Variants in BRIP1 observed in about 807,000 individuals in gnomAD.
BRIP1 encodes the protein BRCA1 interacting DNA helicase 1, also known as Fanconi anemia group J protein.
A neutral mutation model predicts 119.7 loss-of-function variants in BRIP1; 88 were observed. The ratio of observed to expected loss-of-function variants is 0.74; its 90% CI spans 0.62 to 0.88. The LOEUF (loss-of-function observed/expected upper bound fraction) is 0.88. BRIP1 is among the 40% of genes least tolerant of loss of function. The pLI is 0.00. For synonymous variants in BRIP1, 443 were observed against 496.5 expected, an observed-to-expected ratio of 0.89 and a Z score of 1.43; for missense variants, 1,259 against 1,455.4, an observed-to-expected ratio of 0.87 and a Z score of 2.20.
rs1261404617 is a variant in BRIP1, at chr17:61,759,455, A to C, written c.2098-14864T>G. On this transcript the variant is annotated intron_variant, in intron 14 of 19. Transcript: ENST00000259008. This position sits in a 1 kb window ranked among gnomAD's most constrained non-coding sequence, Gnocchi z 4.9. ...TATTAAAGGATCTGAAAAGAGAGAT[A>C]GATTCTAATACAATAATAGTAGGAG... Among the ~76,000 whole-genome samples, 1 of 152,218 alleles carries C rather than the reference A, an allele frequency of 6.6e-6. No homozygotes were observed. Among genetic ancestry groups the C allele is most frequent in the Non-Finnish European group, 1.5e-5 (1 of 68,018 alleles).
chr17:61,763,457 C>T (rs2077307164), intron 14 of BRIP1, among the ~76,000 whole-genome samples: 1 of 152,030 alleles, frequency 6.6e-6, no homozygotes, highest in South Asian at 2.1e-4. Context: ...AGAATCTTTT[C>T]CTTGATGACT....
At chr17:61,787,579 A>G (rs2077749946) in intron 10 of BRIP1, among the ~76,000 whole-genome samples, 1 of 150,944 alleles carries the variant, frequency 6.6e-6, no homozygotes, top group Admixed American at 6.6e-5. Context: ...ATCTCAATAA[A>G]GGGTGCAATA....
Position 61,808,317 on chromosome 17 carries a change from G to T in BRIP1, c.918+150C>A. 1.3e-6 allele frequency: 1 copy of T among 790,198 alleles called. No homozygotes were observed. Among genetic ancestry groups the T allele is most frequent in the Non-Finnish European group, 2.0e-6 (1 of 500,634 alleles). 48.9% of individuals were successfully genotyped at this position (790,198 alleles called of 1,614,324 possible). On this transcript the variant is annotated intron_variant, in intron 7 of 19. Transcript: ENST00000259008. The surrounding 1 kb of genome is among the most constrained non-coding windows in gnomAD (Gnocchi z 4.1). ...AAACTTGACTAAAGATTTTATTACA[G>T]GAAAATTGTTTTTTAAAAGATATCA...
At position 61,746,698 on chromosome 17, in the gene BRIP1, A is replaced by G. The variant is rs2077062525; in HGVS notation, c.2098-2107T>C. On this transcript the variant is annotated intron_variant, in intron 14 of 19. Transcript: ENST00000259008. The surrounding 1 kb of genome is among the most constrained non-coding windows in gnomAD (Gnocchi z 4.9). Reference sequence around the variant, plus strand: ...GAGCACCCAAATATAGCAAGCAAATAGTGATTGTACTGAAGAGAGAAATAA... The same window carrying G: ...GAGCACCCAAATATAGCAAGCAAATGGTGATTGTACTGAAGAGAGAAATAA... Among the ~76,000 whole-genome samples, 1 of 152,154 alleles carries G rather than the reference A, an allele frequency of 6.6e-6. No homozygotes were observed. Among genetic ancestry groups the G allele is most frequent in the South Asian group, 2.1e-4 (1 of 4,832 alleles).
At chr17:61,821,415 AT>A (rs779937886) in intron 6 of BRIP1, among the ~76,000 whole-genome samples, 1 of 151,896 alleles carries the variant, frequency 6.6e-6, no homozygotes, top group Non-Finnish European at 1.5e-5. Context: ...TTTCTTTTTG[AT>A]TCAGTTTTAG....
chr17:61,782,388 G>GAAAAAAAA (rs10661242), intron 11 of BRIP1, among the ~76,000 whole-genome samples: 1 of 113,046 alleles, frequency 8.8e-6, no homozygotes, highest in Non-Finnish European at 1.7e-5. Context: ...TCCCGTCTCA[G>GAAAAAAAA]AAAAAAAAAA....
intron 17 of BRIP1, among the ~76,000 whole-genome samples, chr17:61,698,149 T>C (rs540874439): frequency 6.6e-6 from 1 of 152,346 alleles, no homozygotes; most frequent in South Asian, 2.1e-4. Context: ...AGTAGTACTT[T>C]CACTGTGTCC....
In BRIP1 at chr17:61,746,585, GACA is replaced by G. The variant is rs1464208666; in HGVS notation, c.2098-1997_2098-1995del. ...TTCTAAGTCAAAAATTGTCACAAGA[GACA>G]AAAAAAAAGGACATTATATAATGAT... is the stretch of plus-strand genomic sequence containing the variant. On this transcript the variant is annotated intron_variant, in intron 14 of 19. Transcript: ENST00000259008. This position sits in a 1 kb window ranked among gnomAD's most constrained non-coding sequence, Gnocchi z 4.9. 1.6e-4 allele frequency among the ~76,000 whole-genome samples: 11 copies of G among 67,960 alleles called. No individual in the cohort carries two copies. The highest frequency in any genetic ancestry group is 5.3e-4 in the African/African-American group (11 of 20,662). The allele number at this position is 67,960 out of a possible 152,430, so 44.6% of individuals were successfully genotyped here.
At chr17:61,837,372 A>G (rs2078590302) in intron 6 of BRIP1, among the ~76,000 whole-genome samples, 1 of 152,216 alleles carries the variant, frequency 6.6e-6, no homozygotes, top group African/African-American at 2.4e-5. Context: ...TAGCCTAAGG[A>G]TCGCCCCAGT....
At position 61,776,191 on chromosome 17, in the gene BRIP1, C is replaced by T; in HGVS notation, c.2097+210G>A. ...GCCACCACGTCCAGCCTTGCTCTTT[C>T]AGACTTTTAAGTAAAACAGAGGTAG... On this transcript the variant is annotated intron_variant, in intron 14 of 19. Coordinates refer to ENST00000259008, the MANE Select transcript of BRIP1 (RefSeq NM_032043.3). The surrounding 1 kb of genome is among the most constrained non-coding windows in gnomAD (Gnocchi z 5.0). 1.7e-6 allele frequency: 1 copy of T among 579,918 alleles called. No homozygotes were observed. Among genetic ancestry groups the T allele is most frequent in the Non-Finnish European group, 3.0e-6 (1 of 338,490 alleles). The allele number at this position is 579,918 out of a possible 1,614,324, so 35.9% of individuals were successfully genotyped here.
Position 61,760,845 on chromosome 17 carries a change from A to T in BRIP1, c.2097+15556T>A, listed in dbSNP as rs2159453. Among the ~76,000 whole-genome samples the T allele has an allele frequency of 0.99, 150,484 of 152,180 alleles. 74,425 individuals are homozygous for T. The highest frequency in any genetic ancestry group is 1 in the East Asian group (5,188 of 5,188). ...AACAGTTAAAGAACTAATACCAATC[A>T]TTCTCAAATGCTTTCAAAGAAGTTG... On this transcript the variant is annotated intron_variant, in intron 14 of 19. Transcript: ENST00000259008. This position sits in a 1 kb window ranked among gnomAD's most constrained non-coding sequence, Gnocchi z 4.6.
intron 16 of BRIP1, among the ~76,000 whole-genome samples, chr17:61,741,014 CT>C (rs760893764): frequency 2.0e-5 from 3 of 152,194 alleles, no homozygotes; most frequent in Non-Finnish European, 4.4e-5. Context: ...CATAAAACTT[CT>C]TTCAAAATTG....
At chr17:61,858,653 G>A (rs758266546) in intron 3 of BRIP1, among the ~76,000 whole-genome samples, 4 of 152,048 alleles carry the variant, frequency 2.6e-5, no homozygotes, top group South Asian at 2.1e-4. Flanking sequence ...GATTACAGGC[G>A]TGCGCCACTG....
In BRIP1 at chr17:61,834,678, T is replaced by C. The variant is rs2078544408; in HGVS notation, c.627+12423A>G. 6.6e-6 allele frequency among the ~76,000 whole-genome samples: 1 copy of C among 152,132 alleles called. No homozygotes were observed. Among genetic ancestry groups the C allele is most frequent in the African/African-American group, 2.4e-5 (1 of 41,410 alleles). ...CACAAACAGACTCAAAAGGCATTTG[T>C]ACACTGGGGCTTGTTCTCTTGCTGC... is the stretch of plus-strand genomic sequence containing the variant. On this transcript the variant is annotated intron_variant, in intron 6 of 19. Coordinates refer to ENST00000259008, the MANE Select transcript of BRIP1 (RefSeq NM_032043.3). This position sits in a 1 kb window ranked among gnomAD's most constrained non-coding sequence, Gnocchi z 4.4.
Position 61,786,607 on chromosome 17 carries a change from A to C in BRIP1, c.1474-2183T>G. ...AAATATATAATATAATAAAAATATA[A>C]TATATATATTATTTAACAGCTCTAA... On this transcript the variant is annotated intron_variant, in intron 10 of 19. Transcript: ENST00000259008. Among the ~76,000 whole-genome samples, 3 of 146,584 alleles carry C rather than the reference A, an allele frequency of 2.0e-5. 1 individual carries two copies. In the Middle Eastern group the frequency reaches 0.011, roughly 547 times the overall value.
Position 61,682,310 on chromosome 17 carries a change from T to C in BRIP1, c.*986A>G. The C allele has an allele frequency of 5.0e-6, 1 of 201,222 alleles. No individual in the cohort carries two copies. The highest frequency in any genetic ancestry group is 1.0e-5 in the Non-Finnish European group (1 of 97,696). The allele number at this position is 201,222 out of a possible 1,614,324, so 12.5% of individuals were successfully genotyped here. A position where few individuals can be genotyped will look rare whatever the true frequency, so the allele number is the denominator to read the frequency against. On this transcript the variant is annotated 3_prime_UTR_variant, in exon 20 of 20. Coordinates refer to ENST00000259008, the MANE Select transcript of BRIP1 (RefSeq NM_032043.3). This position sits in a 1 kb window ranked among gnomAD's most constrained non-coding sequence, Gnocchi z 4.9. Reference sequence around the variant, plus strand: ...CTTCTAGTCTAGTGTTTGGTACTTATTACTCACTGATCCACTAGGAAAAAT... The same window carrying C: ...CTTCTAGTCTAGTGTTTGGTACTTACTACTCACTGATCCACTAGGAAAAAT...
chr17:61,810,267 G>A lies in BRIP1; in HGVS notation c.628-1510C>T, dbSNP rs1223481389. Reference sequence around the variant, plus strand: ...AAGAAGAGTTATGAATGGGGCTCTTGTCAACAGTGAGGCAGGAAACAGCTG... The same window carrying A: ...AAGAAGAGTTATGAATGGGGCTCTTATCAACAGTGAGGCAGGAAACAGCTG... On this transcript the variant is annotated intron_variant, in intron 6 of 19. Coordinates refer to ENST00000259008, the MANE Select transcript of BRIP1 (RefSeq NM_032043.3). This position sits in a 1 kb window ranked among gnomAD's most constrained non-coding sequence, Gnocchi z 4.7. Among the ~76,000 whole-genome samples, 1 of 152,140 alleles carries A rather than the reference G, an allele frequency of 6.6e-6. No individual in the cohort carries two copies. The highest frequency in any genetic ancestry group is 6.5e-5 in the Admixed American group (1 of 15,276).
At chr17:61,826,062 C>T (rs747381133) in intron 6 of BRIP1, among the ~76,000 whole-genome samples, 82 of 152,036 alleles carry the variant, frequency 5.4e-4, no homozygotes, top group Non-Finnish European at 9.3e-4. Context: ...GATACATAGA[C>T]CAATGAAACA....
chr17:61,742,598 G>A lies in BRIP1; in HGVS notation c.2379+415C>T, dbSNP rs1376637012. Among the ~76,000 whole-genome samples, 1 of 152,178 alleles carries A rather than the reference G, an allele frequency of 6.6e-6. No homozygotes were observed. The highest frequency in any genetic ancestry group is 1.9e-4 in the East Asian group (1 of 5,200). On this transcript the variant is annotated intron_variant, in intron 16 of 19. Coordinates refer to ENST00000259008, the MANE Select transcript of BRIP1 (RefSeq NM_032043.3). This position sits in a 1 kb window ranked among gnomAD's most constrained non-coding sequence, Gnocchi z 4.7. ...CAGTATTGTTGTGTCTCAGGGAATGGAGAGTCCCAAGGAGAGAGAAATGGG... is the reference window on the plus strand; with the variant it reads ...CAGTATTGTTGTGTCTCAGGGAATGAAGAGTCCCAAGGAGAGAGAAATGGG...
Sources: gnomAD v4.1 joint callset for allele counts (sites outside exome capture counted in the v4.1 genomes callset) on GRCh38, gnomAD v4.1.1 for gene constraint, Gnocchi (gnomAD v3.1) non-coding constraint, MANE v1.5 for transcripts, NCBI Gene and HGNC (gene_info 2026-07-23, HGNC 2026-07-21) for gene names.